Variants in PGBD5 observed in about 807,000 individuals in gnomAD.
PGBD5 encodes the protein piggyBac transposable element derived 5.
PGBD5 carries 14 observed loss-of-function variants against 47.9 expected under a neutral mutation model. The observed-to-expected ratio is 0.29, with a 90% CI of 0.19 to 0.46. The LOEUF (loss-of-function observed/expected upper bound fraction) is 0.46. PGBD5 is among the 20% of genes least tolerant of loss of function. The probability of loss-of-function intolerance (pLI) is 1.00; values close to 1 mark genes in which losing one functional copy is unlikely to be tolerated. For synonymous variants in PGBD5, 316 were observed against 306.3 expected (o/e 1.03, Z -0.33); for missense variants, 635 against 716.0 (o/e 0.89, Z 1.29).
At chr1:230,356,735 T>C (rs1466573631) in intron 2 of PGBD5, among the ~76,000 whole-genome samples, 159 bp downstream of exon 2, 2 of 152,182 alleles carry the variant, frequency 1.3e-5, no homozygotes, top group South Asian at 2.1e-4. Context: ...ATTTGGATTA[T>C]GTGGATTAAT....
Position 230,317,804 on chromosome 1 carries a change from C to G in PGBD5, c.*5621G>C, listed in dbSNP as rs774803156. On this transcript the variant is annotated 3_prime_UTR_variant, in exon 7 of 7. Coordinates refer to ENST00000391860, the MANE Select transcript of PGBD5 (RefSeq NM_001258311.2). ...TTCTGTTTTCATCTCCAAATACATG[C>G]ACACAAGGTCAAGCTTCCAGGCAAC... 3 of 152,224 alleles carry G rather than the reference C, an allele frequency of 2.0e-5. No homozygotes were observed. The highest frequency in any genetic ancestry group is 4.4e-5 in the Non-Finnish European group (3 of 68,080). 9.4% of individuals were successfully genotyped at this position (152,224 alleles called of 1,614,324 possible).
At chr1:230,387,228 T>G (rs1315490628) in intron 1 of PGBD5, among the ~76,000 whole-genome samples, 1 of 152,204 alleles carries the variant, frequency 6.6e-6, no homozygotes, top group African/African-American at 2.4e-5. Context: ...AGATGCGCTT[T>G]GAAGCTTTTC....
chr1:230,373,215 G>A (rs1175981418), intron 1 of PGBD5, among the ~76,000 whole-genome samples: 2 of 152,164 alleles, frequency 1.3e-5, no homozygotes, highest in African/African-American at 4.8e-5. Flanking sequence ...CTGTGCAGGT[G>A]CAACCCGTGT....
chr1:230,352,872 C>T (rs1335068820), intron 2 of PGBD5, among the ~76,000 whole-genome samples: 1 of 152,206 alleles, frequency 6.6e-6, no homozygotes, highest in African/African-American at 2.4e-5. Flanking sequence ...CCTTTCCCTG[C>T]CCAATGATCC....
chr1:230,369,498 A>C (rs1667894988), intron 1 of PGBD5, among the ~76,000 whole-genome samples: 1 of 152,178 alleles, frequency 6.6e-6, no homozygotes, highest in Non-Finnish European at 1.5e-5. Flanking sequence ...TCACTGGTGC[A>C]ATCCATTACC....
chr1:230,404,609 C>A (rs1204250064), intron 1 of PGBD5, among the ~76,000 whole-genome samples: 2 of 65,444 alleles, frequency 3.1e-5, no homozygotes, highest in South Asian at 4.5e-4. Flanking sequence ...AAAGTCTTGT[C>A]TCAAAAAAAA....
intron 1 of PGBD5, among the ~76,000 whole-genome samples, chr1:230,385,089 TC>T (rs1301656786): frequency 1.3e-5 from 2 of 152,166 alleles, no homozygotes; most frequent in Non-Finnish European, 2.9e-5. Context: ...ATTTTTTTTT[TC>T]CCCCTCATAT....
intron 5 of PGBD5, among the ~76,000 whole-genome samples, chr1:230,329,240 G>C (rs1236751128): frequency 6.6e-6 from 1 of 152,074 alleles, no homozygotes; most frequent in African/African-American, 2.4e-5. Flanking sequence ...CTGGGATTAT[G>C]GGCATAAGCC....
rs572123251 is a variant in PGBD5 at position 230,320,656 on chromosome 1, T to A, written c.*2769A>T. 1 of 152,206 alleles carries A rather than the reference T, an allele frequency of 6.6e-6. No individual in the cohort carries two copies. Among genetic ancestry groups the A allele is most frequent in the Admixed American group, 6.5e-5 (1 of 15,274 alleles). 9.4% of individuals were successfully genotyped at this position (152,206 alleles called of 1,614,324 possible). On this transcript the variant is annotated 3_prime_UTR_variant, in exon 7 of 7. Coordinates refer to ENST00000391860, the MANE Select transcript of PGBD5 (RefSeq NM_001258311.2). ...GATGCTCTTTCCTCATCCCCAGGGATGGCCAGCTACTCCAAAGCCAATCAA... is the reference window on the plus strand; with the variant it reads ...GATGCTCTTTCCTCATCCCCAGGGAAGGCCAGCTACTCCAAAGCCAATCAA...
At chr1:230,338,474 T>C (rs1169424812) in intron 3 of PGBD5, among the ~76,000 whole-genome samples, 3 of 152,210 alleles carry the variant, frequency 2.0e-5, no homozygotes, top group Non-Finnish European at 4.4e-5. Flanking sequence ...CAACATGTAG[T>C]CCTTGCCACA....
At chr1:230,335,771 A>AGATG (rs1667307770) in intron 4 of PGBD5, among the ~76,000 whole-genome samples, 1 of 128,250 alleles carries the variant, frequency 7.8e-6, no homozygotes. Context: ...ACAGATACAG[A>AGATG]CAGACACACA....
At chr1:230,384,773 C>G (rs1656594425) in intron 1 of PGBD5, among the ~76,000 whole-genome samples, 2 of 152,190 alleles carry the variant, frequency 1.3e-5, no homozygotes, top group African/African-American at 2.4e-5. Context: ...GTTAAATTCT[C>G]TGCACTCAGG....
Position 230,357,369 on chromosome 1 carries a change from C to A in PGBD5, c.332-48G>T. The A allele has an allele frequency of 6.4e-7, 1 of 1,574,350 alleles. No homozygotes were observed. Among genetic ancestry groups the A allele is most frequent in the South Asian group, 1.2e-5 (1 of 85,822 alleles). ...GTGTTCCTTAGGACGGCCGCCACACCCTGACTCGACACGAGAACGGCTGCA... is the reference window on the plus strand; with the variant it reads ...GTGTTCCTTAGGACGGCCGCCACACACTGACTCGACACGAGAACGGCTGCA... On this transcript the variant is annotated intron_variant, in intron 1 of 6. Coordinates refer to ENST00000391860, the MANE Select transcript of PGBD5 (RefSeq NM_001258311.2). The surrounding 1 kb of genome is among the most constrained non-coding windows in gnomAD (Gnocchi z 5.7).
chr1:230,328,496 G>A (rs1290754841), intron 5 of PGBD5, among the ~76,000 whole-genome samples: 1 of 152,182 alleles, frequency 6.6e-6, no homozygotes, highest in Admixed American at 6.5e-5. Flanking sequence ...ATTAGCAAGA[G>A]GGAATCTGAT....
At chr1:230,397,339 A>T (rs1227673317) in intron 1 of PGBD5, among the ~76,000 whole-genome samples, 2 of 152,220 alleles carry the variant, frequency 1.3e-5, no homozygotes, top group Non-Finnish European at 2.9e-5. Flanking sequence ...CAAAGTAAAA[A>T]CACCACCATA....
chr1:230,371,998 G>A lies in PGBD5; in HGVS notation c.332-14677C>T, dbSNP rs201199100. ...GGGGATGGGAATATAAAAGGTTCCC[G>A]TGGACAGGAAGCCCTACCCAACCAA... On this transcript the variant is annotated intron_variant, in intron 1 of 6. Transcript: ENST00000391860. Among the ~76,000 whole-genome samples, 12 of 152,284 alleles carry A rather than the reference G, an allele frequency of 7.9e-5. No individual in the cohort carries two copies. In the East Asian group the frequency reaches 1.9e-3, roughly 25 times the overall value.
chr1:230,374,041 T>C (rs1339971962), intron 1 of PGBD5, among the ~76,000 whole-genome samples: 1 of 152,090 alleles, frequency 6.6e-6, no homozygotes, highest in East Asian at 1.9e-4. Flanking sequence ...AAATTGAGAA[T>C]GAATAGAAAA....
intron 6 of PGBD5, among the ~76,000 whole-genome samples, chr1:230,324,916 G>A (rs1328859832): frequency 6.6e-6 from 1 of 152,228 alleles, no homozygotes; most frequent in Non-Finnish European, 1.5e-5. Flanking sequence ...AAGTGCCCGA[G>A]CTGATGCCCA....
At chr1:230,365,207 G>T (rs1460904205) in intron 1 of PGBD5, among the ~76,000 whole-genome samples, 1 of 149,896 alleles carries the variant, frequency 6.7e-6, no homozygotes, top group Non-Finnish European at 1.5e-5. Flanking sequence ...CAGCTACTCA[G>T]GAGGCTGAGG....
Sources: allele counts gnomAD v4.1 joint callset (sites outside exome capture counted in the v4.1 genomes callset), GRCh38; gene constraint gnomAD v4.1.1; non-coding constraint Gnocchi (gnomAD v3.1); transcripts MANE v1.5; gene names NCBI Gene and HGNC (gene_info 2026-07-23, HGNC 2026-07-21).